ZDHHC7: variants seen among roughly 807,000 people sequenced by gnomAD.
The protein encoded by ZDHHC7 is zDHHC palmitoyltransferase 7, also known as palmitoyltransferase ZDHHC7.
In ZDHHC7, 12 loss-of-function variants were observed where a neutral mutation model predicts 34.1. The observed-to-expected ratio is 0.35, with a 90% CI of 0.23 to 0.57. The LOEUF (loss-of-function observed/expected upper bound fraction) is 0.57, where lower values mean the gene tolerates loss of function less well. Among genes scored for constraint, ZDHHC7 ranks in the 20% least tolerant of loss-of-function variants. ZDHHC7 has a pLI of 0.84. For synonymous variants in ZDHHC7, 185 were observed against 155.4 expected (o/e 1.19, Z -1.42); for missense variants, 388 against 402.7 (o/e 0.96, Z 0.31).
intron 3 of ZDHHC7, among the ~76,000 whole-genome samples, chr16:84,983,877 G>A (rs1426736369): frequency 6.6e-6 from 1 of 150,652 alleles, no homozygotes; most frequent in Non-Finnish European, 1.5e-5. Context: ...GCCTGCGCTT[G>A]TAATATCCCA....
chr16:85,012,764 G>A (rs1175068687), upstream of ZDHHC7, among the ~76,000 whole-genome samples: 1 of 151,938 alleles, frequency 6.6e-6, no homozygotes, highest in Admixed American at 6.6e-5. Flanking sequence ...AATTAGCCGG[G>A]TGCAGTTTTG....
At chr16:85,023,374 A>G in the ZDHHC7 span, among the ~76,000 whole-genome samples, 3 of 152,072 alleles carry the variant, frequency 2.0e-5, no homozygotes, top group Non-Finnish European at 4.4e-5. Flanking sequence ...CGTGTTGGCC[A>G]GGCTGGTCTT....
intron 1 of ZDHHC7, among the ~76,000 whole-genome samples, chr16:85,003,000 G>A (rs1374673242): frequency 1.3e-5 from 2 of 152,118 alleles, no homozygotes; most frequent in African/African-American, 4.8e-5. Context: ...GGATGGGAAT[G>A]GCTGGTCCTT....
chr16:84,983,657 A>G (rs28479301), intron 3 of ZDHHC7, among the ~76,000 whole-genome samples: 34,015 of 152,160 alleles, frequency 0.22, 4,380 homozygotes, highest in African/African-American at 0.36. Flanking sequence ...TCCTTAAAGA[A>G]GTTAGAAAAG....
At chr16:85,022,397 C>T in the ZDHHC7 span, among the ~76,000 whole-genome samples, 68 of 152,144 alleles carry the variant, frequency 4.5e-4, no homozygotes, top group Admixed American at 4.1e-3. Flanking sequence ...GATGCACATG[C>T]GTGTAATCCC....
At chr16:85,021,138 GCA>G in the ZDHHC7 span, among the ~76,000 whole-genome samples, 1 of 151,756 alleles carries the variant, frequency 6.6e-6, no homozygotes, top group Non-Finnish European at 1.5e-5. Flanking sequence ...AGGGGGGGGT[GCA>G]CAGTGGCTCA....
the ZDHHC7 span, among the ~76,000 whole-genome samples, chr16:85,027,578 G>A: frequency 6.6e-6 from 1 of 152,332 alleles, no homozygotes; most frequent in East Asian, 1.9e-4. Flanking sequence ...GCAAGGGGGC[G>A]CCGGGCGTAC....
chr16:85,009,032 C>G (rs1298518415), intron 1 of ZDHHC7, among the ~76,000 whole-genome samples: 1 of 129,304 alleles, frequency 7.7e-6, no homozygotes, highest in African/African-American at 3.4e-5. Flanking sequence ...GCAACAAGAG[C>G]GAAACTCCGT....
At chr16:84,978,444 A>G (rs1597529780) in intron 5 of ZDHHC7, among the ~76,000 whole-genome samples, 1 of 152,342 alleles carries the variant, frequency 6.6e-6, no homozygotes, top group South Asian at 2.1e-4. Flanking sequence ...AATTTTATAG[A>G]AAAATATAGC....
chr16:84,976,674 G>C (rs959525768), intron 7 of ZDHHC7, among the ~76,000 whole-genome samples, 155 bp from the exon 8 acceptor site: 1 of 152,172 alleles, frequency 6.6e-6, no homozygotes, highest in East Asian at 1.9e-4. Flanking sequence ...TCCAGACCCC[G>C]TGGCCTCTGT....
chr16:85,016,220 C>T (rs1413154915), upstream of ZDHHC7, among the ~76,000 whole-genome samples: 1 of 152,036 alleles, frequency 6.6e-6, no homozygotes, highest in African/African-American at 2.4e-5. Flanking sequence ...TGAGGTCTCA[C>T]TATGTTGCCC....
At chr16:84,977,013 C>T in intron 7 of ZDHHC7, 82 bp downstream of exon 7, 1 of 1,559,662 alleles carries the variant, frequency 6.4e-7, no homozygotes, top group Non-Finnish European at 8.7e-7. Context: ...AGTCCACAGG[C>T]ACCTATTGTT....
chr16:84,984,078 G>A (rs1272766254), intron 3 of ZDHHC7, among the ~76,000 whole-genome samples: 2 of 149,202 alleles, frequency 1.3e-5, no homozygotes, highest in Admixed American at 1.3e-4. Flanking sequence ...GGAGTGCAGT[G>A]GTGTGATCTT....
upstream of ZDHHC7, among the ~76,000 whole-genome samples, chr16:85,012,145 G>A (rs1000965797): frequency 3.3e-5 from 5 of 152,198 alleles, no homozygotes; most frequent in Admixed American, 1.3e-4. Context: ...ACTTTGGGAA[G>A]CCAAGGCAGG....
At chr16:84,987,475 C>G (rs2072451930) in intron 3 of ZDHHC7, among the ~76,000 whole-genome samples, 2 of 152,018 alleles carry the variant, frequency 1.3e-5, no homozygotes, top group African/African-American at 4.8e-5. Context: ...ATTCCCTTCC[C>G]CACAAGATTT....
chr16:84,976,965 T>G, intron 7 of ZDHHC7, 130 bp downstream of exon 7: 1 of 1,307,234 alleles, frequency 7.6e-7, no homozygotes, highest in East Asian at 2.3e-5. Flanking sequence ...GGGAGCTGGT[T>G]GCAGCTCATC....
At chr16:85,005,462 C>T (rs1404736863) in intron 1 of ZDHHC7, among the ~76,000 whole-genome samples, 1 of 152,146 alleles carries the variant, frequency 6.6e-6, no homozygotes, top group Non-Finnish European at 1.5e-5. Flanking sequence ...AAAAGCCAGG[C>T]GTATCACGAG....
the ZDHHC7 span, among the ~76,000 whole-genome samples, chr16:85,024,230 G>GTTTTTTTT: frequency 1.0e-4 from 11 of 108,716 alleles, no homozygotes; most frequent in East Asian, 2.8e-4. Context: ...AGAGTTTTTT[G>GTTTTTTTT]TTTTTTTTTT....
intron 3 of ZDHHC7, among the ~76,000 whole-genome samples, chr16:84,987,817 G>A (rs566366984): frequency 5.9e-5 from 9 of 152,258 alleles, no homozygotes; most frequent in Admixed American, 1.3e-4. Flanking sequence ...CCCCGAAGAC[G>A]CAATGCCTGG....
Sources: allele counts gnomAD v4.1 joint callset (sites outside exome capture counted in the v4.1 genomes callset), GRCh38; gene constraint gnomAD v4.1.1; transcripts MANE v1.5; gene names NCBI Gene and HGNC (gene_info 2026-07-23, HGNC 2026-07-21).